CUEDC2: variants seen among roughly 807,000 people sequenced by gnomAD.
CUEDC2 encodes the protein CUE domain-containing protein 2.
Under a neutral mutation model 36.0 loss-of-function variants are expected in CUEDC2, and 10 were observed. The observed-to-expected ratio is 0.28, with a 90% CI of 0.17 to 0.47. The LOEUF (loss-of-function observed/expected upper bound fraction) is 0.47. Among genes scored for constraint, CUEDC2 ranks in the 20% least tolerant of loss-of-function variants. CUEDC2 has a pLI of 0.99. For synonymous variants in CUEDC2, 133 were observed against 141.8 expected, an observed-to-expected ratio of 0.94 and a Z score of 0.44; for missense variants, 269 against 368.1, an observed-to-expected ratio of 0.73 and a Z score of 2.20.
intron 1 of CUEDC2, among the ~76,000 whole-genome samples, chr10:102,428,945 C>T (rs1383693616): frequency 2.0e-5 from 3 of 151,080 alleles, no homozygotes; most frequent in Non-Finnish European, 2.9e-5. Flanking sequence ...TGACATGAAC[C>T]TGGGAGGCGG....
At chr10:102,429,521 G>A (rs1212006287) in intron 1 of CUEDC2, among the ~76,000 whole-genome samples, 2 of 151,058 alleles carry the variant, frequency 1.3e-5, no homozygotes, top group Non-Finnish European at 2.9e-5. Context: ...GCCTGGTCCC[G>A]AGTGGTAACA....
chr10:102,425,088 T>C (rs773375208), intron 2 of CUEDC2, 27 bp downstream of exon 2: 3 of 1,598,714 alleles, frequency 1.9e-6, no homozygotes, highest in Non-Finnish European at 2.6e-6. Flanking sequence ...AGCACTGACA[T>C]GAGCCTTCCG....
At chr10:102,429,021 CAAAAAA>C (rs11352968) in intron 1 of CUEDC2, among the ~76,000 whole-genome samples, 7 of 102,158 alleles carry the variant, frequency 6.9e-5, no homozygotes, top group Non-Finnish European at 2.0e-5. Context: ...GACTTTGTCT[CAAAAAA>C]AAAAAAAAAA....
chr10:102,425,272 C>T, intron 1 of CUEDC2, 74 bp from the exon 2 acceptor site: 5 of 1,075,458 alleles, frequency 4.6e-6, no homozygotes, highest in Middle Eastern at 2.1e-4. Flanking sequence ...GGCAGTGGCT[C>T]CTCCCTCCTG....
At chr10:102,425,949 T>A (rs2061594959) in intron 1 of CUEDC2, among the ~76,000 whole-genome samples, 1 of 152,100 alleles carries the variant, frequency 6.6e-6, no homozygotes, top group Admixed American at 6.5e-5. Flanking sequence ...GCTCGTCCAG[T>A]CACTCCTCAG....
At chr10:102,428,246 G>C (rs1037720281) in intron 1 of CUEDC2, among the ~76,000 whole-genome samples, 16 of 152,124 alleles carry the variant, frequency 1.1e-4, no homozygotes, top group African/African-American at 3.9e-4. Context: ...GCCCCACCCT[G>C]GCTTTCTTTC....
Position 102,424,301 on chromosome 10 carries a change from C to T in CUEDC2, c.374G>A (p.Arg125Lys), listed in dbSNP as rs2061587226. 6.2e-7 allele frequency: 1 copy of T among 1,614,020 alleles called. No individual in the cohort carries two copies. The highest frequency in any genetic ancestry group is 1.3e-5 in the African/African-American group (1 of 74,926). The change falls in exon 5 of 9, where the codon AGG (arginine) becomes AAG (lysine). Residue 125 changes from arginine (R) to lysine (K), a missense_variant. By Grantham distance (26) the Arg-to-Lys change is conservative (BLOSUM62 2). Transcript: ENST00000369937. The surrounding 1 kb of genome is among the most constrained non-coding windows in gnomAD (Gnocchi z 4.2). ...GTCTGCAGCAGCAGCAGCCGAAGAC[C>T]TAGTCTCTTCTTTGAGCATTTCGGG... ...QRPEMLKEET[R>K]SSAAAAADTQ...
intron 1 of CUEDC2, among the ~76,000 whole-genome samples, chr10:102,431,844 T>C (rs1409313): frequency 0.85 from 129,257 of 152,130 alleles, 55,095 homozygotes; most frequent in South Asian, 0.93. Flanking sequence ...AGATGCTAGA[T>C]AGAGACACTG....
At chr10:102,429,296 G>A (rs905139380) in intron 1 of CUEDC2, among the ~76,000 whole-genome samples, 1 of 151,946 alleles carries the variant, frequency 6.6e-6, no homozygotes, top group Non-Finnish European at 1.5e-5. Flanking sequence ...TCATGAAGTG[G>A]GCACTCAATA....
chr10:102,425,795 C>T (rs2061594149), intron 1 of CUEDC2, among the ~76,000 whole-genome samples: 1 of 152,062 alleles, frequency 6.6e-6, no homozygotes, highest in African/African-American at 2.4e-5. Context: ...ATCCTCCTCC[C>T]CAAGGCCTGA....
intron 1 of CUEDC2, among the ~76,000 whole-genome samples, chr10:102,430,004 T>C (rs2061610793): frequency 6.6e-6 from 1 of 151,342 alleles, no homozygotes; most frequent in Admixed American, 6.6e-5. Context: ...TTCACCATGT[T>C]GGCCAGGCTG....
intron 1 of CUEDC2, among the ~76,000 whole-genome samples, chr10:102,431,006 G>A (rs949359004): frequency 6.6e-6 from 1 of 152,150 alleles, no homozygotes. Context: ...TCCGATGATG[G>A]TAATATTAGC....
At chr10:102,428,292 A>T (rs2061605107) in intron 1 of CUEDC2, among the ~76,000 whole-genome samples, 1 of 152,156 alleles carries the variant, frequency 6.6e-6, no homozygotes, top group Non-Finnish European at 1.5e-5. Context: ...ATGGCAAGGT[A>T]GTATACCCTC....
At chr10:102,426,994 C>A (rs1195597028) in intron 1 of CUEDC2, among the ~76,000 whole-genome samples, 1 of 152,022 alleles carries the variant, frequency 6.6e-6, no homozygotes, top group African/African-American at 2.4e-5. Flanking sequence ...TCATCAGTTA[C>A]TTTTTCCAGG....
At chr10:102,425,092 C>T (rs766629598) in intron 2 of CUEDC2, 23 bp downstream of exon 2, 1 of 1,604,992 alleles carries the variant, frequency 6.2e-7, no homozygotes, top group Admixed American at 1.7e-5. Context: ...CTGACATGAG[C>T]CTTCCGGGGG....
intron 1 of CUEDC2, among the ~76,000 whole-genome samples, chr10:102,425,485 T>C (rs1302757930): frequency 9.2e-6 from 1 of 109,036 alleles, no homozygotes; most frequent in East Asian, 3.2e-4. Context: ...CCAGCAGCAG[T>C]CCCAGACCTT....
In CUEDC2 at chr10:102,424,410, A is replaced by G; in HGVS notation, c.281-16T>C. On this transcript the variant is annotated splice_polypyrimidine_tract_variant and intron_variant, in intron 4 of 8. Coordinates refer to ENST00000369937, the MANE Select transcript of CUEDC2 (RefSeq NM_024040.3). This position sits in a 1 kb window ranked among gnomAD's most constrained non-coding sequence, Gnocchi z 4.2. Reference sequence around the variant, plus strand: ...TGCAGGTTCTCTTAAAGAGGCAAAGAGAGCATCAGGTTTGCCAAGGCTCTG... The same window carrying G: ...TGCAGGTTCTCTTAAAGAGGCAAAGGGAGCATCAGGTTTGCCAAGGCTCTG... 1 of 1,613,778 alleles carries G rather than the reference A, an allele frequency of 6.2e-7. No homozygotes were observed. Among genetic ancestry groups the G allele is most frequent in the Non-Finnish European group, 8.5e-7 (1 of 1,179,704 alleles).
Position 102,425,206 on chromosome 10 carries a change from GACAC to G in CUEDC2, c.-10-12_-10-9del. ...AGCTCCATGCTCTCTCTTCTGAAGG[GACAC>G]AGACAGGATGGCCAGGCCTTCTTCT... On this transcript the variant is annotated splice_polypyrimidine_tract_variant and intron_variant, in intron 1 of 8. Coordinates refer to ENST00000369937, the MANE Select transcript of CUEDC2 (RefSeq NM_024040.3). 1 of 1,609,452 alleles carries G rather than the reference GACAC, an allele frequency of 6.2e-7. No individual in the cohort carries two copies. Among genetic ancestry groups the G allele is most frequent in the Non-Finnish European group, 8.5e-7 (1 of 1,176,334 alleles).
intron 1 of CUEDC2, among the ~76,000 whole-genome samples, chr10:102,429,872 TG>T (rs1379272271): frequency 6.8e-6 from 1 of 147,870 alleles, no homozygotes; most frequent in African/African-American, 2.5e-5. Context: ...CAGGCTGGAG[TG>T]CAATGGTGTG....
Sources: allele counts gnomAD v4.1 joint callset (sites outside exome capture counted in the v4.1 genomes callset), GRCh38; gene constraint gnomAD v4.1.1; non-coding constraint Gnocchi (gnomAD v3.1); transcripts MANE v1.5; gene names NCBI Gene and HGNC (gene_info 2026-07-23, HGNC 2026-07-21).